The following UGT8 variants were observed in gnomAD, a reference collection of about 807,000 sequenced individuals.
UGT8 encodes UDP glycosyltransferase 8.
UGT8 carries 12 observed loss-of-function variants against 40.5 expected under a neutral mutation model. That is an observed-to-expected ratio of 0.30 (90% CI 0.19 to 0.48). The LOEUF is 0.48. Among genes scored for constraint, UGT8 ranks in the 20% least tolerant of loss-of-function variants. The pLI is 0.99. For synonymous variants in UGT8, 224 were observed against 240.4 expected, an observed-to-expected ratio of 0.93 and a Z score of 0.63; for missense variants, 513 against 648.7, an observed-to-expected ratio of 0.79 and a Z score of 2.27.
intron 2 of UGT8, among the ~76,000 whole-genome samples, chr4:114,662,983 A>AT (rs549206375): frequency 1.4e-3 from 195 of 143,958 alleles, no homozygotes; most frequent in East Asian, 6.0e-3. Flanking sequence ...TGCCCAGCTA[A>AT]TTTTTTTTTT....
At chr4:114,625,260 C>G (rs1242905476) in intron 2 of UGT8, among the ~76,000 whole-genome samples, 1 of 152,034 alleles carries the variant, frequency 6.6e-6, no homozygotes, top group Non-Finnish European at 1.5e-5. Flanking sequence ...TGCCTGTAAT[C>G]CCAGCACTTT....
intron 2 of UGT8, among the ~76,000 whole-genome samples, chr4:114,642,607 A>G (rs1218153771): frequency 6.6e-6 from 1 of 152,178 alleles, no homozygotes; most frequent in Non-Finnish European, 1.5e-5. Context: ...GGACAGCTGA[A>G]TAAACTAGCC....
At chr4:114,657,737 T>C (rs1734275823) in intron 2 of UGT8, among the ~76,000 whole-genome samples, 1 of 152,160 alleles carries the variant, frequency 6.6e-6, no homozygotes, top group Non-Finnish European at 1.5e-5. Context: ...GTCCATAATC[T>C]GTGTATTACT....
chr4:114,661,785 G>A (rs553908020), intron 2 of UGT8, among the ~76,000 whole-genome samples: 10 of 152,096 alleles, frequency 6.6e-5, no homozygotes, highest in Non-Finnish European at 1.2e-4. Flanking sequence ...TAAGCCAAGT[G>A]GAATAATATC....
chr4:114,606,131 A>T (rs1215083725), intron 1 of UGT8, among the ~76,000 whole-genome samples: 1 of 152,080 alleles, frequency 6.6e-6, no homozygotes, highest in African/African-American at 2.4e-5. Flanking sequence ...CTTCTGTAAC[A>T]CATCTTGAAT....
chr4:114,659,991 A>G (rs1360515384), intron 2 of UGT8, among the ~76,000 whole-genome samples: 1 of 152,228 alleles, frequency 6.6e-6, no homozygotes, highest in Non-Finnish European at 1.5e-5. Flanking sequence ...AAGACTGGCT[A>G]ACCATTTGGT....
At chr4:114,645,035 A>G (rs1733477398) in intron 2 of UGT8, among the ~76,000 whole-genome samples, 1 of 40,004 alleles carries the variant, frequency 2.5e-5, no homozygotes, top group Admixed American at 3.7e-4. Flanking sequence ...CTACACATGC[A>G]GTTCACAGAC....
At chr4:114,661,541 C>G (rs188869134) in intron 2 of UGT8, among the ~76,000 whole-genome samples, 1 of 152,258 alleles carries the variant, frequency 6.6e-6, no homozygotes, top group East Asian at 1.9e-4. Flanking sequence ...CTGTTCATGA[C>G]TCCAGAACCA....
intron 2 of UGT8, among the ~76,000 whole-genome samples, chr4:114,626,055 G>A (rs1020457015): frequency 6.6e-6 from 1 of 152,084 alleles, no homozygotes; most frequent in African/African-American, 2.4e-5. Context: ...ATTATTGGAA[G>A]TCTATTAGAT....
At chr4:114,618,152 T>C (rs1731557656) in intron 1 of UGT8, among the ~76,000 whole-genome samples, 1 of 152,204 alleles carries the variant, frequency 6.6e-6, no homozygotes, top group Non-Finnish European at 1.5e-5. Flanking sequence ...AGTTCTATAA[T>C]TTTCCATGAT....
intron 2 of UGT8, among the ~76,000 whole-genome samples, chr4:114,652,966 A>C (rs1466534856): frequency 2.0e-5 from 3 of 152,056 alleles, no homozygotes; most frequent in African/African-American, 7.2e-5. Flanking sequence ...TCATGGCTCT[A>C]CATGTTTCTG....
At chr4:114,638,852 C>T (rs1733043347) in intron 2 of UGT8, among the ~76,000 whole-genome samples, 1 of 152,266 alleles carries the variant, frequency 6.6e-6, no homozygotes, top group African/African-American at 2.4e-5. Context: ...TTACATATCT[C>T]TTACTGCAGA....
chr4:114,645,172 T>A (rs1258113362), intron 2 of UGT8, among the ~76,000 whole-genome samples: 1 of 152,156 alleles, frequency 6.6e-6, no homozygotes, highest in Admixed American at 6.5e-5. Context: ...TGGTTAAAAG[T>A]TGTTAGCAAG....
intron 1 of UGT8, among the ~76,000 whole-genome samples, chr4:114,620,958 G>C (rs907261205): frequency 1.3e-5 from 2 of 152,104 alleles, no homozygotes; most frequent in African/African-American, 4.8e-5. Flanking sequence ...TCTATTTTGA[G>C]ATTTTTGAAA....
At chr4:114,659,865 T>G (rs974844373) in intron 2 of UGT8, among the ~76,000 whole-genome samples, 2 of 152,102 alleles carry the variant, frequency 1.3e-5, no homozygotes, top group Non-Finnish European at 2.9e-5. Context: ...ATAAAACTCT[T>G]TGGTATTGGC....
intron 2 of UGT8, among the ~76,000 whole-genome samples, chr4:114,657,874 GA>G (rs1163865857): frequency 1.3e-5 from 2 of 152,146 alleles, no homozygotes; most frequent in Non-Finnish European, 2.9e-5. Flanking sequence ...TAGAGATGAG[GA>G]AGCTGGGCCT....
intron 2 of UGT8, among the ~76,000 whole-genome samples, chr4:114,638,996 A>T (rs928221480): frequency 3.9e-5 from 6 of 152,216 alleles, no homozygotes; most frequent in African/African-American, 1.4e-4. Flanking sequence ...TCGTTGGCTT[A>T]TTCTATTACT....
At chr4:114,652,583 C>A (rs1369132517) in intron 2 of UGT8, among the ~76,000 whole-genome samples, 1 of 151,876 alleles carries the variant, frequency 6.6e-6, no homozygotes, top group Non-Finnish European at 1.5e-5. Context: ...CAAAGACATA[C>A]CTCTATTACA....
intron 2 of UGT8, among the ~76,000 whole-genome samples, chr4:114,634,041 T>C (rs1315817094): frequency 8.6e-5 from 13 of 152,020 alleles, no homozygotes. Flanking sequence ...TTGCAGTAGC[T>C]CAGAGGTGCA....
Sources: allele counts gnomAD v4.1 joint callset (sites outside exome capture counted in the v4.1 genomes callset), GRCh38; gene constraint gnomAD v4.1.1; transcripts MANE v1.5; gene names NCBI Gene and HGNC (gene_info 2026-07-23, HGNC 2026-07-21).